POLG: variants seen among roughly 807,000 people sequenced by gnomAD.
POLG encodes the protein DNA polymerase subunit gamma-1.
POLG carries 110 observed loss-of-function variants against 155.4 expected under a neutral mutation model. The observed-to-expected ratio is 0.71, with a 90% CI of 0.61 to 0.83. POLG has a LOEUF of 0.83. Among genes scored for constraint, POLG ranks in the 40% least tolerant of loss-of-function variants. The pLI, the probability that POLG is intolerant of heterozygous loss-of-function variation, is 0.00. For synonymous variants in POLG, 701 were observed against 631.5 expected (o/e 1.11, Z -1.65); for missense variants, 1,685 against 1,627.5 (o/e 1.04, Z -0.61).
At chr15:89,327,476 T>C (rs1243983733) in intron 6 of POLG, 127 bp from the exon 7 acceptor site, 3 of 814,086 alleles carry the variant, frequency 3.7e-6, no homozygotes, top group Non-Finnish European at 6.1e-6. Flanking sequence ...CAGACGGCAT[T>C]AAATCCCAGC....
chr15:89,316,599 TAGAAG>T lies in POLG; in HGVS notation c.*147_*151del. ...CACTGAATTCAACTGCACCTTCAGTTAGAAGGAATCTTCTTGGCAGGTCCTGCTAC... is the reference window on the plus strand; with the variant it reads ...CACTGAATTCAACTGCACCTTCAGTTGAATCTTCTTGGCAGGTCCTGCTAC... On this transcript the variant is annotated 3_prime_UTR_variant, in exon 23 of 23. Transcript: ENST00000268124. 9.0e-7 allele frequency: 1 copy of T among 1,107,854 alleles called. No homozygotes were observed. The highest frequency in any genetic ancestry group is 1.4e-6 in the Non-Finnish European group (1 of 737,772). 68.6% of individuals were successfully genotyped at this position (1,107,854 alleles called of 1,614,324 possible). A position where few individuals can be genotyped will look rare whatever the true frequency, so the allele number is the denominator to read the frequency against.
chr15:89,321,808 G>A lies in POLG; in HGVS notation c.2526C>T (p.Pro842=), dbSNP rs758903771. ...TGATGGTGCCGGCAGTCACCACTTG[G>A]GGCAGGATGGCCCCATAGAGGCCTT... ...DEEGLYGAIL[P]QVVTAGTITR... The change falls in exon 16 of 23, where the codon CCC becomes CCT. Residue 842 remains proline, a synonymous_variant. Coordinates refer to ENST00000268124, the MANE Select transcript of POLG (RefSeq NM_002693.3). 49 of 1,614,046 alleles carry A rather than the reference G, an allele frequency of 3.0e-5. No homozygotes were observed. The highest frequency in any genetic ancestry group is 4.0e-5 in the Non-Finnish European group (47 of 1,180,038).
Position 89,333,130 on chromosome 15 carries a change from G to C in POLG, c.625C>G (p.Pro209Ala). 1.3e-6 allele frequency: 2 copies of C among 1,526,648 alleles called. No homozygotes were observed. The highest frequency in any genetic ancestry group is 1.8e-6 in the Non-Finnish European group (2 of 1,137,144). 94.6% of individuals were successfully genotyped at this position (1,526,648 alleles called of 1,614,324 possible). ...GGGGATATGGCCACCGCCAATGTGG[G>C]GCAAGTTCCCTCTGCCAAGCAGACC... ...VEVCLAEGTC[P>A]TLAVAISPSA... The change falls in exon 2 of 23, where the codon CCC becomes GCC. Residue 209 changes from proline to alanine, a missense_variant. Physicochemically the swap from Pro to Ala is conservative, Grantham distance 27. Coordinates refer to ENST00000268124, the MANE Select transcript of POLG (RefSeq NM_002693.3).
intron 12 of POLG, 102 bp from the exon 13 acceptor site, chr15:89,323,613 A>T: frequency 1.2e-6 from 1 of 857,956 alleles, no homozygotes; most frequent in Non-Finnish European, 2.0e-6. Flanking sequence ...TGTCGTCATC[A>T]GCTGGGAAAT....
intron 3 of POLG, 82 bp downstream of exon 3, chr15:89,329,999 A>G: frequency 8.5e-7 from 1 of 1,179,502 alleles, no homozygotes; most frequent in Admixed American, 1.7e-5. Context: ...GTGCCAGGAA[A>G]GGAGTACCTC....
At position 89,325,563 on chromosome 15, in the gene POLG, C is replaced by G. The variant is rs925367722; in HGVS notation, c.1836G>C (p.Leu612=). 6.2e-7 allele frequency: 1 copy of G among 1,613,702 alleles called. No homozygotes were observed. The highest frequency in any genetic ancestry group is 1.7e-5 in the Admixed American group (1 of 60,026). The change falls in exon 10 of 23, where the codon CTG becomes CTC. Residue 612 remains leucine, a synonymous_variant. Coordinates refer to ENST00000268124, the MANE Select transcript of POLG (RefSeq NM_002693.3). ...LMALTWDGFP[L]HYSERHGWGY... is the part of the protein sequence containing the mutation. ...CCCAGCCATGACGCTCTGAGTAGTG[C>G]AGAGGGAAGCCATCCCAGGTAAGTG... is the stretch of plus-strand genomic sequence containing the variant.
intron 2 of POLG, among the ~76,000 whole-genome samples, chr15:89,332,694 G>A (rs1320105180): frequency 6.6e-6 from 1 of 151,980 alleles, no homozygotes; most frequent in Non-Finnish European, 1.5e-5. Flanking sequence ...CCCACAAAAG[G>A]GAGCTTTCTA....
chr15:89,319,251 C>G lies in POLG; in HGVS notation c.3081G>C (p.Lys1027Asn). 1 of 1,614,184 alleles carries G rather than the reference C, an allele frequency of 6.2e-7. No individual in the cohort carries two copies. Among genetic ancestry groups the G allele is most frequent in the Admixed American group, 1.7e-5 (1 of 60,028 alleles). Residue 1027 changes from lysine to asparagine, a missense_variant, in exon 19 of 23, where the codon AAG becomes AAC. Lys to Asn is a moderately conservative substitution (Grantham distance 94, BLOSUM62 0). Coordinates refer to ENST00000268124, the MANE Select transcript of POLG (RefSeq NM_002693.3). The stretch of plus-strand genomic sequence containing the variant: ...ACTTCCTTGCAGTTTCTCTCTGGAC[C>G]TTGCGCAGATCCTGCAGGGAAATCC... ...GGWISLQDLRKVQRETARKSQ... is the reference protein window; with the variant it reads ...GGWISLQDLRNVQRETARKSQ...
chr15:89,332,294 C>A (rs1342736299), intron 2 of POLG: 1 of 152,146 alleles, frequency 6.6e-6, no homozygotes, highest in Non-Finnish European at 1.5e-5. Flanking sequence ...AAAGATGTAG[C>A]TTCCAATAGG....
Position 89,323,882 on chromosome 15 carries a change from A to G in POLG, c.2090T>C (p.Leu697Ser), listed in dbSNP as rs1432721083. Residue 697 changes from leucine (L) to serine (S), a missense_variant, in exon 12 of 23, where the codon TTA becomes TCA. Leu to Ser is a moderately radical substitution (Grantham distance 145). Transcript: ENST00000268124. ...CATCTTGGCCTCAGCCTCCACTTCTAAGTAATCCAGTTCTTCTACCTGGAG... is the reference window on the plus strand; with the variant it reads ...CATCTTGGCCTCAGCCTCCACTTCTGAGTAATCCAGTTCTTCTACCTGGAG... Reference protein sequence around the residue: ...IWQTVEELDYLEVEAEAKMEN... With the variant: ...IWQTVEELDYSEVEAEAKMEN... The G allele has an allele frequency of 6.2e-7, 1 of 1,613,670 alleles. No homozygotes were observed. The highest frequency in any genetic ancestry group is 1.3e-5 in the African/African-American group (1 of 74,908).
rs1303740203 is a variant in POLG, at chr15:89,320,836, G to C, written c.2911C>G (p.His971Asp). The change falls in exon 18 of 23, where the codon CAC (histidine) becomes GAC (aspartate). Residue 971 changes from histidine (H) to aspartate (D), a missense_variant. Around this residue, in one of 3 missense-constraint regions of POLG, gnomAD observed 470 missense variants for 439.9 expected, o/e 1.07. Coordinates refer to ENST00000268124, the MANE Select transcript of POLG (RefSeq NM_002693.3). ...FAERLLMQFN[H>D]RLTQQEAAEK... ...GCTGCCTCCTGCTGTGTGAGCCGGT[G>C]GTTAAACTGCATTAGTAAGCGCTCA... 4.3e-6 allele frequency: 7 copies of C among 1,613,842 alleles called. No individual in the cohort carries two copies.
At position 89,320,695 on chromosome 15, in the gene POLG, G is replaced by A. The variant is rs1596351803; in HGVS notation, c.2981+71C>T. The A allele has an allele frequency of 3.2e-6, 5 of 1,545,556 alleles. No individual in the cohort carries two copies. The East Asian group carries it at 9.0e-5, about 28-fold the overall frequency. On this transcript the variant is annotated intron_variant, in intron 18 of 22. Transcript: ENST00000268124. ...GTAATGGGCAGGAGATAGAACAGATGGTAGTACTAAAGGACAGTAAAGCAG... is the reference window on the plus strand; with the variant it reads ...GTAATGGGCAGGAGATAGAACAGATAGTAGTACTAAAGGACAGTAAAGCAG...
chr15:89,323,495 G>C lies in POLG; in HGVS notation c.2174C>G (p.Pro725Arg). 1 of 1,610,862 alleles carries C rather than the reference G, an allele frequency of 6.2e-7. No individual in the cohort carries two copies. The highest frequency in any genetic ancestry group is 8.5e-7 in the Non-Finnish European group (1 of 1,177,024). ...GTGATAGCTGGGCTGGGTGTCCTTGGGGCCACCACGGGCAGTCTGTGAGGG... is the reference window on the plus strand; with the variant it reads ...GTGATAGCTGGGCTGGGTGTCCTTGCGGCCACCACGGGCAGTCTGTGAGGG... Reference protein sequence around the residue: ...QPLALTARGGPKDTQPSYHHG... With the variant: ...QPLALTARGGRKDTQPSYHHG... The change falls in exon 13 of 23, where the codon CCC becomes CGC. Residue 725 changes from proline (P) to arginine (R), a missense_variant. Physicochemically the swap from Pro to Arg is moderately radical, Grantham distance 103. Around this residue, in one of 3 missense-constraint regions of POLG, gnomAD observed 1,210 missense variants for 1,167.1 expected, o/e 1.04. Transcript: ENST00000268124.
At chr15:89,317,787 C>CTT (rs1596349018) in intron 21 of POLG, 1 of 526,644 alleles carries the variant, frequency 1.9e-6, no homozygotes, top group East Asian at 3.4e-5. Context: ...GTTTGGTACA[C>CTT]TTTATTAATT....
chr15:89,334,048 C>G, intron 1 of POLG, 135 bp from the exon 2 acceptor site: 1 of 490,386 alleles, frequency 2.0e-6, no homozygotes, highest in Non-Finnish European at 3.6e-6. Flanking sequence ...CGTTAAGCCT[C>G]AAAACTTGGG....
Position 89,325,509 on chromosome 15 carries a change from G to C in POLG, c.1890C>G (p.Asn630Lys). The C allele has an allele frequency of 6.2e-7, 1 of 1,610,852 alleles. No individual in the cohort carries two copies. The highest frequency in any genetic ancestry group is 8.5e-7 in the Non-Finnish European group (1 of 1,179,978). ...TGGTACCTGTCGGCAGCTTGGCCAG[G>C]TTGTCCCGCCGCCCAGGCACCAAGT... ...WGYLVPGRRD[N>K]LAKLPTGTTL... is the part of the protein sequence containing the mutation. The change falls in exon 10 of 23, where the codon AAC (asparagine) becomes AAG (lysine). Residue 630 changes from asparagine (N) to lysine (K), a missense_variant. Asn to Lys is a moderately conservative substitution (Grantham distance 94, BLOSUM62 0). Around this residue, in one of 3 missense-constraint regions of POLG, gnomAD observed 1,210 missense variants for 1,167.1 expected, o/e 1.04. Coordinates refer to ENST00000268124, the MANE Select transcript of POLG (RefSeq NM_002693.3).
intron 18 of POLG, 152 bp from the exon 19 acceptor site, chr15:89,319,502 T>C (rs1048568782): frequency 6.8e-6 from 7 of 1,029,968 alleles, no homozygotes; most frequent in Middle Eastern, 2.5e-4. Context: ...AAGAAACGGC[T>C]CAGAGAGGCT....
intron 10 of POLG, among the ~76,000 whole-genome samples, chr15:89,325,037 A>AGAGTGAGAGTGAGAGAGT (rs2055452633): frequency 7.1e-5 from 5 of 70,794 alleles, no homozygotes; most frequent in African/African-American, 2.8e-4. Context: ...CTGAACCCAG[A>AGAGTGAGAGTGAGAGAGT]GAGTGAGTGA....
intron 21 of POLG, 82 bp from the exon 22 acceptor site, chr15:89,317,618 C>CTA (rs2055317226): frequency 7.2e-7 from 1 of 1,382,984 alleles, no homozygotes; most frequent in Admixed American, 1.7e-5. Context: ...ACCCCACACC[C>CTA]CTTAGAGCAG....
Sources: allele counts gnomAD v4.1 joint callset (sites outside exome capture counted in the v4.1 genomes callset), GRCh38; gene constraint gnomAD v4.1.1; regional missense constraint gnomAD v4.1.1; transcripts MANE v1.5; gene names NCBI Gene and HGNC (gene_info 2026-07-23, HGNC 2026-07-21).